SLC2A2: variants seen among roughly 807,000 people sequenced by gnomAD.
The protein encoded by SLC2A2 is solute carrier family 2, facilitated glucose transporter member 2.
In SLC2A2, 36 loss-of-function variants were observed where a neutral mutation model predicts 54.5. The ratio of observed to expected loss-of-function variants is 0.66; its 90% CI spans 0.51 to 0.87. SLC2A2 has a LOEUF of 0.87. Ranked by LOEUF, SLC2A2 falls within the 40% of genes least tolerant of loss-of-function variation. The pLI, the probability that SLC2A2 is intolerant of heterozygous loss-of-function variation, is 0.00. For missense variants in SLC2A2, 543 were observed against 624.3 expected (o/e 0.87, Z 1.39); for synonymous variants, 223 against 219.1 (o/e 1.02, Z -0.16).
chr3:170,997,974 T>C lies in SLC2A2; in HGVS notation c.1504A>G (p.Lys502Glu). 3 of 1,613,800 alleles carry C rather than the reference T, an allele frequency of 1.9e-6. No individual in the cohort carries two copies. Among genetic ancestry groups the C allele is most frequent in the Non-Finnish European group, 2.5e-6 (3 of 1,179,798 alleles). Residue 502 changes from lysine to glutamate, a missense_variant, in exon 11 of 11, where the codon AAG becomes GAG. By Grantham distance (56) the Lys-to-Glu change is moderately conservative. Around this residue, in one of 3 missense-constraint regions of SLC2A2, gnomAD observed 108 missense variants for 101.3 expected, o/e 1.07. Coordinates refer to ENST00000314251, the MANE Select transcript of SLC2A2 (RefSeq NM_000340.2). The stretch of plus-strand genomic sequence containing the variant: ...TTTGGCCTGTGGGCTGAGCCACTCT[T>C]CTTTTGGAATTCTGCAGCAATTTCC... ...FEEIAAEFQK[K>E]SGSAHRPKAA...
chr3:171,012,010 G>A (rs1460985741), intron 3 of SLC2A2, among the ~76,000 whole-genome samples: 1 of 151,964 alleles, frequency 6.6e-6, no homozygotes, highest in Non-Finnish European at 1.5e-5. Context: ...GCTGAATCAG[G>A]GAAAAAGAAG....
chr3:171,021,662 C>G (rs1288665269), intron 1 of SLC2A2, among the ~76,000 whole-genome samples: 1 of 152,148 alleles, frequency 6.6e-6, no homozygotes, highest in Non-Finnish European at 1.5e-5. Flanking sequence ...ATAAGTATCA[C>G]TGGACTAAAA....
At chr3:171,014,356 A>G (rs1716026911) in intron 3 of SLC2A2, 113 bp downstream of exon 3, 4 of 1,238,338 alleles carry the variant, frequency 3.2e-6, no homozygotes, top group Non-Finnish European at 4.6e-6. Flanking sequence ...ATGAGTTGAA[A>G]AAACAACTCT....
rs139430217 is a variant in SLC2A2 at position 171,003,971 on chromosome 3, C to T, written c.964-1291G>A. On this transcript the variant is annotated intron_variant, in intron 7 of 10. Transcript: ENST00000314251. ...TGGAGAAATTTTGTTCACAACCTTT[C>T]TAATAGCCTTTTAAAATTTAGTTAT... is the stretch of plus-strand genomic sequence containing the variant. Among the ~76,000 whole-genome samples, 927 of 152,118 alleles carry T rather than the reference C, an allele frequency of 6.1e-3. 8 individuals carry two copies. The highest frequency in any genetic ancestry group is 0.021 in the African/African-American group (881 of 41,526).
At chr3:171,016,585 A>G (rs1223836555) in intron 2 of SLC2A2, among the ~76,000 whole-genome samples, 1 of 152,182 alleles carries the variant, frequency 6.6e-6, no homozygotes, top group African/African-American at 2.4e-5. Context: ...TTTCATAACC[A>G]TATGAAAGTG....
intron 1 of SLC2A2, among the ~76,000 whole-genome samples, chr3:171,024,312 CTT>C (rs1177456212): frequency 1.3e-5 from 2 of 152,176 alleles, no homozygotes; most frequent in Non-Finnish European, 2.9e-5. Flanking sequence ...TACCGATACT[CTT>C]TGCAATACCA....
At chr3:171,003,215 G>C (rs1322336828) in intron 7 of SLC2A2, among the ~76,000 whole-genome samples, 1 of 151,890 alleles carries the variant, frequency 6.6e-6, no homozygotes, top group Non-Finnish European at 1.5e-5. Flanking sequence ...GCTTCTTTTA[G>C]TCAACATTAC....
chr3:171,014,531 G>C lies in SLC2A2; in HGVS notation c.309C>G (p.Ser103Arg). The C allele has an allele frequency of 6.2e-7, 1 of 1,614,118 alleles. No individual in the cohort carries two copies. Among genetic ancestry groups the C allele is most frequent in the Non-Finnish European group, 8.5e-7 (1 of 1,180,004 alleles). Residue 103 changes from serine (S) to arginine (R), a missense_variant, in exon 3 of 11, where the codon AGC (serine) becomes AGG (arginine). By Grantham distance (110) the Ser-to-Arg change is moderately radical (BLOSUM62 -1). Transcript: ENST00000314251. ...ITMLWSLSVS[S>R]FAVGGMTASF... ...ATGCAGTCATTCCACCAACTGCAAA[G>C]CTGGATACAGACAGGGACCAGAGCA...
At chr3:171,023,211 G>A (rs550644861) in intron 1 of SLC2A2, among the ~76,000 whole-genome samples, 1 of 152,280 alleles carries the variant, frequency 6.6e-6, no homozygotes, top group Admixed American at 6.5e-5. Flanking sequence ...TACCAGGTTG[G>A]TCAGATAAGG....
intron 8 of SLC2A2, among the ~76,000 whole-genome samples, chr3:171,000,211 G>A (rs1030805745): frequency 3.3e-5 from 5 of 152,080 alleles, no homozygotes; most frequent in African/African-American, 1.2e-4. Context: ...CAGATAAGAT[G>A]ATAAGCTAAG....
chr3:171,003,676 A>G (rs1715448940), intron 7 of SLC2A2, among the ~76,000 whole-genome samples: 1 of 151,984 alleles, frequency 6.6e-6, no homozygotes, highest in South Asian at 2.1e-4. Context: ...AATGTCTTTT[A>G]GCTATTGATT....
chr3:170,999,152 C>A lies in SLC2A2; in HGVS notation c.1083G>T (p.Glu361Asp), dbSNP rs999185720. 56 of 1,608,998 alleles carry A rather than the reference C, an allele frequency of 3.5e-5. No homozygotes were observed. Among genetic ancestry groups the A allele is most frequent in the Non-Finnish European group, 4.6e-5 (54 of 1,175,782 alleles). The change falls in exon 9 of 11, where the codon GAG becomes GAT. Residue 361 changes from glutamate (E) to aspartate (D), a missense_variant. This residue lies in a region of SLC2A2 where 117 missense variants were observed against 179.2 expected (regional missense o/e 0.65). Coordinates refer to ENST00000314251, the MANE Select transcript of SLC2A2 (RefSeq NM_000340.2). ...VFTAVSVFLV[E>D]KAGRRSLFLI... ...GAAAGAGAGAACGTCGCCCTGCCTTCTCCACAAGGAATACCTAGGACAATT... is the reference window on the plus strand; with the variant it reads ...GAAAGAGAGAACGTCGCCCTGCCTTATCCACAAGGAATACCTAGGACAATT...
intron 7 of SLC2A2, among the ~76,000 whole-genome samples, chr3:171,002,917 T>G (rs191074002): frequency 7.2e-5 from 11 of 152,178 alleles, no homozygotes; most frequent in Non-Finnish European, 1.6e-4. Flanking sequence ...CTACTGCATT[T>G]TCTTTATTTT....
chr3:171,013,086 A>G (rs1270574472), intron 3 of SLC2A2, among the ~76,000 whole-genome samples: 1 of 152,204 alleles, frequency 6.6e-6, no homozygotes, highest in African/African-American at 2.4e-5. Flanking sequence ...ATAAAATATC[A>G]GTAGTTGCTA....
chr3:171,025,273 A>G (rs1716635124), intron 1 of SLC2A2, among the ~76,000 whole-genome samples: 1 of 150,714 alleles, frequency 6.6e-6, no homozygotes. Context: ...AAACATATAA[A>G]TGGTGCTTAT....
At chr3:171,011,825 GA>G (rs553786316) in intron 3 of SLC2A2, among the ~76,000 whole-genome samples, 231 of 152,152 alleles carry the variant, frequency 1.5e-3, no homozygotes, top group African/African-American at 5.3e-3. Flanking sequence ...TTTATTAGGG[GA>G]AAAAAGATAA....
At chr3:171,023,445 A>AATT (rs1411078598) in intron 1 of SLC2A2, among the ~76,000 whole-genome samples, 4 of 152,216 alleles carry the variant, frequency 2.6e-5, no homozygotes, top group Non-Finnish European at 5.9e-5. Context: ...AATGAAAAGA[A>AATT]GTAATGTTTA....
At chr3:171,018,494 A>T (rs1716260979) in intron 2 of SLC2A2, 37 bp downstream of exon 2, 2 of 1,396,520 alleles carry the variant, frequency 1.4e-6, no homozygotes, top group East Asian at 4.6e-5. Flanking sequence ...CACTGACAGA[A>T]CTTGCCAAAA....
Position 170,996,456 on chromosome 3 carries a change from G to C in SLC2A2, c.*1447C>G, listed in dbSNP as rs1420632938. ...TTTTTAATTATTTCACTCTTAAAGA[G>C]TACTTTTTAAAAAGTGCTTTTCTTC... On this transcript the variant is annotated 3_prime_UTR_variant, in exon 11 of 11. Transcript: ENST00000314251. The C allele has an allele frequency of 2.5e-6, 1 of 394,448 alleles. No individual in the cohort carries two copies. Among genetic ancestry groups the C allele is most frequent in the Non-Finnish European group, 4.5e-6 (1 of 223,734 alleles). 24.4% of individuals were successfully genotyped at this position (394,448 alleles called of 1,614,324 possible).
Sources: allele counts gnomAD v4.1 joint callset (sites outside exome capture counted in the v4.1 genomes callset), GRCh38; gene constraint gnomAD v4.1.1; regional missense constraint gnomAD v4.1.1; transcripts MANE v1.5; gene names NCBI Gene and HGNC (gene_info 2026-07-23, HGNC 2026-07-21).